The following RPS6KA2 variants were observed in gnomAD, a reference collection of about 807,000 sequenced individuals.
The protein encoded by RPS6KA2 is ribosomal protein S6 kinase A2.
A neutral mutation model predicts 91.8 loss-of-function variants in RPS6KA2; 42 were observed. The ratio of observed to expected loss-of-function variants is 0.46; its 90% CI spans 0.36 to 0.59. RPS6KA2 has a LOEUF of 0.59. RPS6KA2 is among the 20% of genes least tolerant of loss of function. RPS6KA2 has a pLI of 0.00. For synonymous variants in RPS6KA2, 414 were observed against 393.6 expected, an observed-to-expected ratio of 1.05 and a Z score of -0.61; for missense variants, 798 against 978.5, an observed-to-expected ratio of 0.82 and a Z score of 2.46.
In RPS6KA2 at chr6:166,517,445, CTTTTG is replaced by C. The variant is rs1461248156; in HGVS notation, c.299-7093_299-7089del. Among the ~76,000 whole-genome samples the C allele has an allele frequency of 7.4e-3, 760 of 102,250 alleles. 10 individuals carry two copies. Among genetic ancestry groups the C allele is most frequent in the African/African-American group, 0.031 (708 of 22,738 alleles). 67.1% of individuals were successfully genotyped at this position (102,250 alleles called of 152,430 possible). A position where few individuals can be genotyped will look rare whatever the true frequency, so the allele number is the denominator to read the frequency against. ...AGGGCGGAAAACCACTTAAGGCGTTCTTTTGTTTTGTTTTTTTTTTTTTTTTTTTT... is the reference window on the plus strand; with the variant it reads ...AGGGCGGAAAACCACTTAAGGCGTTCTTTTGTTTTTTTTTTTTTTTTTTTT... On this transcript the variant is annotated intron_variant, in intron 3 of 20. Transcript: ENST00000265678.
chr6:166,413,936 C>A lies in RPS6KA2; in HGVS notation c.1939-5G>T. 1 of 1,613,308 alleles carries A rather than the reference C, an allele frequency of 6.2e-7. No individual in the cohort carries two copies. The highest frequency in any genetic ancestry group is 1.1e-5 in the South Asian group (1 of 91,044). ...GAGCATCTTGGACACGACGTCCTGC[C>A]AGGGAAGGTCATGAGAGTCGGGGGG... is the stretch of plus-strand genomic sequence containing the variant. On this transcript the variant is annotated splice_polypyrimidine_tract_variant and splice_region_variant and intron_variant, in intron 19 of 20. Transcript: ENST00000265678.
intron 8 of RPS6KA2, among the ~76,000 whole-genome samples, chr6:166,496,144 G>T (rs556064834): frequency 6.6e-6 from 1 of 152,212 alleles, no homozygotes; most frequent in Admixed American, 6.5e-5. Context: ...TGAGCTTGGG[G>T]GTTCAAGACC....
intron 1 of RPS6KA2, among the ~76,000 whole-genome samples, chr6:166,587,598 T>C (rs769336944): frequency 3.3e-5 from 5 of 151,310 alleles, no homozygotes; most frequent in African/African-American, 4.9e-5. Flanking sequence ...AACATCTTTC[T>C]TGAACGAGTC....
chr6:166,734,313 C>T (rs747624043), intron 2 of RPS6KA2, among the ~76,000 whole-genome samples: 2 of 152,178 alleles, frequency 1.3e-5, no homozygotes, highest in East Asian at 1.9e-4. Flanking sequence ...ATGTTGACAT[C>T]GACCCTTTGG....
At chr6:166,550,881 G>A (rs377504352) in intron 1 of RPS6KA2, among the ~76,000 whole-genome samples, 4 of 151,552 alleles carry the variant, frequency 2.6e-5, no homozygotes, top group South Asian at 2.1e-4. Flanking sequence ...GGCGCCTGTA[G>A]TCCCAGCTAC....
rs1316096925 is a variant in RPS6KA2, at chr6:166,817,669, T to C, written c.123+40531A>G. On this transcript the variant is annotated intron_variant, in intron 2 of 21. Transcript: ENST00000503859. ...TACAATTGTGCATTATTTTTTATCT[T>C]TCTGTATGCAATTCAATACCACCTT... Among the ~76,000 whole-genome samples, 7 of 152,112 alleles carry C rather than the reference T, an allele frequency of 4.6e-5. No homozygotes were observed. In the South Asian group the frequency reaches 1.2e-3, roughly 27 times the overall value.
chr6:166,822,235 G>A (rs566047613), intron 2 of RPS6KA2, among the ~76,000 whole-genome samples: 14 of 152,160 alleles, frequency 9.2e-5, no homozygotes, highest in African/African-American at 2.9e-4. Flanking sequence ...TTGAAGTCCC[G>A]ACTCCCAGCG....
chr6:166,786,070 GTTTCT>G (rs1778921763), intron 2 of RPS6KA2, among the ~76,000 whole-genome samples: 1 of 152,200 alleles, frequency 6.6e-6, no homozygotes, highest in South Asian at 2.1e-4. Flanking sequence ...ATTTATGGGT[GTTTCT>G]TGTTATTTGA....
chr6:166,695,935 C>T (rs1000496432), intron 2 of RPS6KA2, among the ~76,000 whole-genome samples: 1 of 152,206 alleles, frequency 6.6e-6, no homozygotes, highest in African/African-American at 2.4e-5. Flanking sequence ...AGCTGGAACC[C>T]TACTGTGAAC....
chr6:166,415,522 G>T (rs764150529), intron 19 of RPS6KA2, among the ~76,000 whole-genome samples: 21 of 152,250 alleles, frequency 1.4e-4, no homozygotes, highest in Middle Eastern at 3.4e-3. Flanking sequence ...AGGGCAGGAA[G>T]GGTTGGTGAG....
chr6:166,475,768 A>G (rs752067819), intron 10 of RPS6KA2: 1 of 531,288 alleles, frequency 1.9e-6, no homozygotes, highest in South Asian at 1.4e-5. Flanking sequence ...AGGTGGGAGA[A>G]ATGCCAGTCT....
intron 3 of RPS6KA2, among the ~76,000 whole-genome samples, chr6:166,512,246 T>A (rs1782497962): frequency 6.6e-6 from 1 of 152,142 alleles, no homozygotes; most frequent in Non-Finnish European, 1.5e-5. Flanking sequence ...AGGATCCCAC[T>A]TATAAGAGTT....
chr6:166,813,046 CT>C (rs1779678695), intron 2 of RPS6KA2, among the ~76,000 whole-genome samples: 1 of 152,166 alleles, frequency 6.6e-6, no homozygotes, highest in African/African-American at 2.4e-5. Flanking sequence ...CTCCATGTCT[CT>C]TGATTTTGTT....
chr6:166,441,647 C>T (rs945665463), intron 14 of RPS6KA2, among the ~76,000 whole-genome samples: 7 of 152,230 alleles, frequency 4.6e-5, no homozygotes, highest in South Asian at 2.1e-4. Flanking sequence ...TCTCCTTCTC[C>T]GGCCCCGTGC....
rs967416145 is a variant in RPS6KA2 at position 166,662,558 on chromosome 6, G to A, written c.124-123774C>T. ...TTATTTATGTTATGAACACCAGTTA[G>A]TTTGCACCAGTTCCAGGAAAGAGAT... On this transcript the variant is annotated intron_variant, in intron 2 of 21. Coordinates refer to the RPS6KA2 transcript ENST00000503859. This position sits in a 1 kb window ranked among gnomAD's most constrained non-coding sequence, Gnocchi z 4.3. 2.0e-5 allele frequency among the ~76,000 whole-genome samples: 3 copies of A among 152,176 alleles called. No homozygotes were observed. Among genetic ancestry groups the A allele is most frequent in the African/African-American group, 7.2e-5 (3 of 41,446 alleles).
In RPS6KA2 at chr6:166,418,404, C is replaced by A. The variant is rs762591348; in HGVS notation, c.1821-62G>T. The A allele has an allele frequency of 9.6e-6, 12 of 1,252,378 alleles. No homozygotes were observed. Among genetic ancestry groups the A allele is most frequent in the Admixed American group, 3.5e-5 (2 of 57,382 alleles). 77.6% of individuals were successfully genotyped at this position (1,252,378 alleles called of 1,614,324 possible). On this transcript the variant is annotated intron_variant, in intron 18 of 20. Coordinates refer to ENST00000265678, the MANE Select transcript of RPS6KA2 (RefSeq NM_021135.6). This position sits in a 1 kb window ranked among gnomAD's most constrained non-coding sequence, Gnocchi z 4.9. ...ATTTTACAACCTAAAATAAAGTTTG[C>A]AAGTTGATATCACCCCTTGGCTGTT...
At chr6:166,679,175 C>T (rs533264570) in intron 2 of RPS6KA2, among the ~76,000 whole-genome samples, 12 of 152,150 alleles carry the variant, frequency 7.9e-5, no homozygotes, top group South Asian at 2.1e-4. Flanking sequence ...ATATTGTCAC[C>T]GGGCGTGGTG....
chr6:166,719,807 C>T (rs140969738), intron 2 of RPS6KA2, among the ~76,000 whole-genome samples: 4 of 152,200 alleles, frequency 2.6e-5, no homozygotes, highest in African/African-American at 4.8e-5. Flanking sequence ...TTGCATTGAT[C>T]CCAACAAGCA....
At chr6:166,850,836 T>G (rs534008217) in intron 2 of RPS6KA2, among the ~76,000 whole-genome samples, 1 of 152,206 alleles carries the variant, frequency 6.6e-6, no homozygotes, top group East Asian at 1.9e-4. Flanking sequence ...GCACCCTCTG[T>G]GTGACCAGAG....
Sources: gnomAD v4.1 joint callset for allele counts (sites outside exome capture counted in the v4.1 genomes callset) on GRCh38, gnomAD v4.1.1 for gene constraint, Gnocchi (gnomAD v3.1) non-coding constraint, MANE v1.5 for transcripts, NCBI Gene and HGNC (gene_info 2026-07-23, HGNC 2026-07-21) for gene names.